Variants in TACC2 observed in about 807,000 individuals in gnomAD.
The protein encoded by TACC2 is transforming acidic coiled-coil containing protein 2, also known as transforming acidic coiled-coil-containing protein 2.
In TACC2, 137 loss-of-function variants were observed where a neutral mutation model predicts 227.3. The observed-to-expected ratio is 0.60, with a 90% CI of 0.52 to 0.69. The LOEUF (loss-of-function observed/expected upper bound fraction) is 0.69. Ranked by LOEUF, TACC2 falls within the 30% of genes least tolerant of loss-of-function variation. TACC2 has a pLI of 0.00. For missense variants in TACC2, 3,470 were observed against 3,694.4 expected (o/e 0.94, Z 1.57); for synonymous variants, 1,523 against 1,487.5 (o/e 1.02, Z -0.55).
chr10:122,129,734 G>C (rs529068970), intron 5 of TACC2, among the ~76,000 whole-genome samples: 1 of 152,184 alleles, frequency 6.6e-6, no homozygotes, highest in East Asian at 1.9e-4. Context: ...CCTCTTCTGG[G>C]CTCACTGCTT....
At chr10:122,137,763 C>T (rs2089943623) in intron 6 of TACC2, among the ~76,000 whole-genome samples, 1 of 152,168 alleles carries the variant, frequency 6.6e-6, no homozygotes, top group Admixed American at 6.5e-5. Context: ...TTGGGAGGGG[C>T]CCACACCTGC....
chr10:122,029,295 T>TGATC (rs906435073), intron 2 of TACC2, among the ~76,000 whole-genome samples: 1 of 152,082 alleles, frequency 6.6e-6, no homozygotes, highest in African/African-American at 2.4e-5. Flanking sequence ...TGTAATTGTA[T>TGATC]GATCTTTCTT....
At chr10:122,104,351 G>A (rs930743562) in intron 5 of TACC2, among the ~76,000 whole-genome samples, 3 of 151,884 alleles carry the variant, frequency 2.0e-5, no homozygotes, top group Non-Finnish European at 4.4e-5. Flanking sequence ...TATTAAAAAT[G>A]GCTTCATTTT....
At chr10:122,128,786 A>G (rs1237850755) in intron 5 of TACC2, among the ~76,000 whole-genome samples, 2 of 152,116 alleles carry the variant, frequency 1.3e-5, no homozygotes, top group African/African-American at 4.8e-5. Flanking sequence ...AAAAAACACA[A>G]ATGATTTCAC....
intron 5 of TACC2, among the ~76,000 whole-genome samples, chr10:122,101,272 C>T (rs2082107958): frequency 6.6e-6 from 1 of 152,096 alleles, no homozygotes; most frequent in African/African-American, 2.4e-5. Context: ...TGAAATAGTG[C>T]ACTGGAAATG....
At chr10:122,196,943 AAAAAAAAAC>A (rs1242414098) in intron 8 of TACC2, among the ~76,000 whole-genome samples, 5 of 149,774 alleles carry the variant, frequency 3.3e-5, no homozygotes, top group Admixed American at 2.0e-4. Context: ...CAAAAAAAAA[AAAAAAAAAC>A]AAAAAAACAA....
chr10:122,229,373 G>A lies in TACC2; in HGVS notation c.7924G>A (p.Ala2642Thr). Residue 2642 changes from alanine (A) to threonine (T), a missense_variant, in exon 15 of 23, where the codon GCT becomes ACT. Transcript: ENST00000369005. Reference sequence around the variant, plus strand: ...AGCTCCCGAGGGCTCCTTTGCCTCTGCTGACGCCCTCCTCAGCAGGCTAGC... The same window carrying A: ...AGCTCCCGAGGGCTCCTTTGCCTCTACTGACGCCCTCCTCAGCAGGCTAGC... The part of the protein sequence containing the change: ...ITAPEGSFAS[A>T]DALLSRLAHP... 1 of 1,613,868 alleles carries A rather than the reference G, an allele frequency of 6.2e-7. No individual in the cohort carries two copies. Among genetic ancestry groups the A allele is most frequent in the Non-Finnish European group, 8.5e-7 (1 of 1,180,010 alleles).
chr10:122,113,415 T>TGG (rs1314319594), intron 5 of TACC2, among the ~76,000 whole-genome samples: 12 of 152,172 alleles, frequency 7.9e-5, no homozygotes, highest in Admixed American at 7.8e-4. Context: ...CAGAGGAGTG[T>TGG]GGCTGCGGGG....
chr10:122,032,515 AG>A (rs967502504), intron 2 of TACC2, among the ~76,000 whole-genome samples: 2 of 152,176 alleles, frequency 1.3e-5, no homozygotes, highest in African/African-American at 4.8e-5. Context: ...CTGTGTCACT[AG>A]GGCAAAGGGT....
chr10:122,131,810 C>T (rs753547692), intron 5 of TACC2, among the ~76,000 whole-genome samples: 2 of 151,708 alleles, frequency 1.3e-5, no homozygotes, highest in South Asian at 4.2e-4. Flanking sequence ...CCACTTGAAC[C>T]TAGGAGTTTG....
rs1372874231 is a variant in TACC2 at position 122,086,551 on chromosome 10, C to T, written c.4051C>T (p.Pro1351Ser). 1 of 1,606,616 alleles carries T rather than the reference C, an allele frequency of 6.2e-7. No individual in the cohort carries two copies. Among genetic ancestry groups the T allele is most frequent in the South Asian group, 1.1e-5 (1 of 89,510 alleles). The change falls in exon 4 of 23, where the codon CCA becomes TCA. Residue 1351 changes from proline to serine, a missense_variant. Physicochemically the swap from Pro to Ser is moderately conservative, Grantham distance 74. Around this residue, in one of 10 missense-constraint regions of TACC2, gnomAD observed 1,924 missense variants for 1,978.3 expected, o/e 0.97. Coordinates refer to ENST00000369005, the MANE Select transcript of TACC2 (RefSeq NM_206862.4). ...AGGGGAAGAGAAAGCAGCAACAGCT[C>T]CAGGTGCAGGTGCCAAGGCCAGTGG... ...ATGEEKAATA[P>S]GAGAKASGEG...
intron 16 of TACC2, among the ~76,000 whole-genome samples, chr10:122,234,547 A>G (rs2095820693): frequency 6.6e-6 from 1 of 152,236 alleles, no homozygotes; most frequent in Non-Finnish European, 1.5e-5. Flanking sequence ...TTGTAAGGGG[A>G]AACCAGAGTG....
intron 7 of TACC2, among the ~76,000 whole-genome samples, chr10:122,170,462 G>A (rs1358916592): frequency 6.6e-6 from 1 of 151,558 alleles, no homozygotes; most frequent in Non-Finnish European, 1.5e-5. Context: ...GTAGAGACGG[G>A]GTTTTAATTT....
At chr10:122,216,067 C>T (rs1160076638) in intron 10 of TACC2, among the ~76,000 whole-genome samples, 1 of 152,162 alleles carries the variant, frequency 6.6e-6, no homozygotes, top group African/African-American at 2.4e-5. Context: ...GCCAGCAAAG[C>T]CCCAGCCTGC....
intron 1 of TACC2, among the ~76,000 whole-genome samples, chr10:122,011,110 C>T (rs1955863411): frequency 6.6e-6 from 1 of 152,182 alleles, no homozygotes; most frequent in Non-Finnish European, 1.5e-5. Flanking sequence ...AGATTAGCCC[C>T]ATTAGTCCTT....
chr10:122,045,153 A>G (rs2074825680), intron 2 of TACC2, among the ~76,000 whole-genome samples: 1 of 152,186 alleles, frequency 6.6e-6, no homozygotes, highest in Admixed American at 6.5e-5. Flanking sequence ...AAATAAGAAT[A>G]ATCTACTTTT....
At chr10:122,074,032 G>T (rs983183915) in intron 3 of TACC2, among the ~76,000 whole-genome samples, 2 of 151,264 alleles carry the variant, frequency 1.3e-5, no homozygotes, top group African/African-American at 2.4e-5. Flanking sequence ...TGCCCACCTC[G>T]GCCTCCCAAA....
chr10:122,120,518 C>G (rs957057330), intron 5 of TACC2, among the ~76,000 whole-genome samples: 4 of 152,168 alleles, frequency 2.6e-5, no homozygotes, highest in Non-Finnish European at 4.4e-5. Flanking sequence ...CCACTTGGCT[C>G]TCAGCACGCC....
intron 16 of TACC2, among the ~76,000 whole-genome samples, 194 bp from the exon 17 acceptor site, chr10:122,237,201 G>A (rs1349691871): frequency 6.6e-6 from 1 of 152,138 alleles, no homozygotes; most frequent in Non-Finnish European, 1.5e-5. Flanking sequence ...CTGCCCAGGT[G>A]CAGAATGATA....
Sources: gnomAD v4.1 joint callset for allele counts (sites outside exome capture counted in the v4.1 genomes callset) on GRCh38, gnomAD v4.1.1 for gene constraint, gnomAD v4.1.1 regional missense constraint, MANE v1.5 for transcripts, NCBI Gene and HGNC (gene_info 2026-07-23, HGNC 2026-07-21) for gene names.